Variants in LHFPL3 observed in about 807,000 individuals in gnomAD.
The protein encoded by LHFPL3 is LHFPL tetraspan subfamily member 3.
Under a neutral mutation model 19.3 loss-of-function variants are expected in LHFPL3, and 5 were observed. The observed-to-expected ratio is 0.26, with a 90% CI of 0.14 to 0.54. The LOEUF (loss-of-function observed/expected upper bound fraction) is 0.54. Among genes scored for constraint, LHFPL3 ranks in the 20% least tolerant of loss-of-function variants. The pLI, the probability that LHFPL3 is intolerant of heterozygous loss-of-function variation, is 0.94. For synonymous variants in LHFPL3, 133 were observed against 126.2 expected (o/e 1.05, Z -0.36); for missense variants, 249 against 307.4 (o/e 0.81, Z 1.42).
intron 1 of LHFPL3, among the ~76,000 whole-genome samples, chr7:104,607,839 G>A (rs1382440092): frequency 6.6e-6 from 1 of 151,890 alleles, no homozygotes; most frequent in African/African-American, 2.4e-5. Flanking sequence ...CAAAAGATAT[G>A]AACAGACACT....
At chr7:104,654,588 A>G (rs1792089764) in intron 1 of LHFPL3, among the ~76,000 whole-genome samples, 1 of 152,194 alleles carries the variant, frequency 6.6e-6, no homozygotes, top group Non-Finnish European at 1.5e-5. Context: ...TTGTGGGAAT[A>G]TCATGAAAAT....
chr7:104,531,905 A>G (rs975194256), intron 1 of LHFPL3, among the ~76,000 whole-genome samples: 7 of 152,052 alleles, frequency 4.6e-5, no homozygotes, highest in African/African-American at 1.7e-4. Flanking sequence ...CCATGATCCC[A>G]GCCATGTCAT....
chr7:104,619,133 T>C (rs1791399375), intron 1 of LHFPL3, among the ~76,000 whole-genome samples: 1 of 152,226 alleles, frequency 6.6e-6, no homozygotes, highest in Admixed American at 6.5e-5. Context: ...ACTGTTGATT[T>C]TGTTAGATAT....
At chr7:104,624,247 G>A (rs10246540) in intron 1 of LHFPL3, among the ~76,000 whole-genome samples, 7,544 of 152,286 alleles carry the variant, frequency 0.05, 230 homozygotes, top group East Asian at 0.11. Flanking sequence ...CATTCAGGAT[G>A]TAGTTTGTAG....
chr7:104,333,704 C>T (rs1801611593), intron 1 of LHFPL3, among the ~76,000 whole-genome samples: 1 of 152,200 alleles, frequency 6.6e-6, no homozygotes, highest in Non-Finnish European at 1.5e-5. Flanking sequence ...CAAGAAGAGC[C>T]TTTGAAATGT....
At chr7:104,366,145 G>A (rs1790492189) in intron 1 of LHFPL3, among the ~76,000 whole-genome samples, 1 of 152,130 alleles carries the variant, frequency 6.6e-6, no homozygotes, top group Admixed American at 6.5e-5. Context: ...GCGTTCTTTG[G>A]GCACAAGAGT....
chr7:104,414,468 G>C (rs1420557837), intron 1 of LHFPL3, among the ~76,000 whole-genome samples: 3 of 152,214 alleles, frequency 2.0e-5, no homozygotes, highest in Non-Finnish European at 2.9e-5. Context: ...ATTGCGCCCA[G>C]ATCTGAGGAT....
At chr7:104,747,759 T>C (rs1435668094) in intron 2 of LHFPL3, among the ~76,000 whole-genome samples, 1 of 152,228 alleles carries the variant, frequency 6.6e-6, no homozygotes, top group Non-Finnish European at 1.5e-5. Context: ...AGCCTTATCA[T>C]TATTATTATG....
chr7:104,614,653 C>CTTCTCTTCTCTTCTCTCCT (rs1554415305), intron 1 of LHFPL3, among the ~76,000 whole-genome samples: 7 of 51,524 alleles, frequency 1.4e-4, no homozygotes, highest in Non-Finnish European at 2.2e-4. Context: ...CTTCTCTTCT[C>CTTCTCTTCTCTTCTCTCCT]TCCTTCCTTC....
chr7:104,455,996 A>T (rs1233239890), intron 1 of LHFPL3, among the ~76,000 whole-genome samples: 2 of 152,204 alleles, frequency 1.3e-5, no homozygotes, highest in Admixed American at 1.3e-4. Flanking sequence ...AGCATAGAGC[A>T]CCTGAGTACC....
At chr7:104,672,321 A>G (rs1792500703) in intron 1 of LHFPL3, among the ~76,000 whole-genome samples, 1 of 152,092 alleles carries the variant, frequency 6.6e-6, no homozygotes, top group South Asian at 2.1e-4. Flanking sequence ...TCATTACACT[A>G]CCACCTGGTT....
chr7:104,756,313 T>C (rs10216010), intron 2 of LHFPL3, among the ~76,000 whole-genome samples: 47,327 of 151,960 alleles, frequency 0.31, 8,213 homozygotes, highest in East Asian at 0.77. Context: ...ATGTTGATGT[T>C]CATACTAATA....
At chr7:104,808,064 C>T (rs2470954) in intron 2 of LHFPL3, among the ~76,000 whole-genome samples, 97,466 of 152,062 alleles carry the variant, frequency 0.64, 31,932 homozygotes, top group East Asian at 0.91. Flanking sequence ...ACATTACAGC[C>T]GTGCCTGGGA....
At chr7:104,843,965 G>A (rs976515313) in intron 2 of LHFPL3, among the ~76,000 whole-genome samples, 6 of 152,200 alleles carry the variant, frequency 3.9e-5, no homozygotes, top group Non-Finnish European at 7.3e-5. Context: ...GAGGAAAAGT[G>A]AGGAACTAAC....
intron 1 of LHFPL3, among the ~76,000 whole-genome samples, chr7:104,400,900 G>A (rs1791301021): frequency 6.6e-6 from 1 of 152,184 alleles, no homozygotes; most frequent in Non-Finnish European, 1.5e-5. Context: ...GCCACCATCT[G>A]TACAGGTTTA....
At chr7:104,541,156 G>A (rs1033164310) in intron 1 of LHFPL3, among the ~76,000 whole-genome samples, 2 of 133,534 alleles carry the variant, frequency 1.5e-5, no homozygotes, top group East Asian at 2.4e-4. Flanking sequence ...ACAACCCTGT[G>A]GCTAACTCCT....
intron 1 of LHFPL3, among the ~76,000 whole-genome samples, chr7:104,618,775 A>G (rs1322523320): frequency 1.3e-5 from 2 of 152,246 alleles, no homozygotes; most frequent in Non-Finnish European, 2.9e-5. Context: ...GTCCAAATGA[A>G]AAAACAATAA....
At chr7:104,856,210 T>C (rs1791502255) in intron 2 of LHFPL3, among the ~76,000 whole-genome samples, 1 of 151,004 alleles carries the variant, frequency 6.6e-6, no homozygotes, top group Admixed American at 6.6e-5. Flanking sequence ...GCCTGCACTC[T>C]GCCCAGATCT....
chr7:104,895,835 A>G (rs1276207774), intron 2 of LHFPL3: 1 of 152,192 alleles, frequency 6.6e-6, no homozygotes, highest in African/African-American at 2.4e-5. Context: ...CATTGGAACC[A>G]TTGATGCCTG....
Sources: gnomAD v4.1 joint callset for allele counts (sites outside exome capture counted in the v4.1 genomes callset) on GRCh38, gnomAD v4.1.1 for gene constraint, MANE v1.5 for transcripts, NCBI Gene and HGNC (gene_info 2026-07-23, HGNC 2026-07-21) for gene names.